MYO1B: variants seen among roughly 807,000 people sequenced by gnomAD.
The protein encoded by MYO1B is myosin IB.
MYO1B carries 72 observed loss-of-function variants against 159.7 expected under a neutral mutation model. The ratio of observed to expected loss-of-function variants is 0.45; its 90% CI spans 0.37 to 0.55. The LOEUF (loss-of-function observed/expected upper bound fraction) is 0.55, where lower values mean the gene tolerates loss of function less well. Among genes scored for constraint, MYO1B ranks in the 20% least tolerant of loss-of-function variants. The pLI is 0.00. For synonymous variants in MYO1B, 468 were observed against 473.8 expected (o/e 0.99, Z 0.16); for missense variants, 1,062 against 1,364.8 (o/e 0.78, Z 3.50).
At chr2:191,350,317 C>T in intron 7 of MYO1B, 92 bp downstream of exon 7, 1 of 872,416 alleles carries the variant, frequency 1.1e-6, no homozygotes, top group Non-Finnish European at 1.8e-6. Flanking sequence ...GTCTTTGAGG[C>T]ATAAGAATAT....
In MYO1B at chr2:191,258,368, G is replaced by C. The variant is rs548845461; in HGVS notation, c.-10+12742G>C. On this transcript the variant is annotated intron_variant, in intron 1 of 30. Coordinates refer to ENST00000392318, the MANE Select transcript of MYO1B (RefSeq NM_001130158.3). Reference sequence around the variant, plus strand: ...CCTCTCTAGGGCACTTATGAATAGAGCTTGCAAGACCAGAAGTTGCTCTGG... The same window carrying C: ...CCTCTCTAGGGCACTTATGAATAGACCTTGCAAGACCAGAAGTTGCTCTGG... Among the ~76,000 whole-genome samples, 9 of 152,328 alleles carry C rather than the reference G, an allele frequency of 5.9e-5. No homozygotes were observed. In the South Asian group the frequency reaches 1.9e-3, roughly 32 times the overall value.
chr2:191,326,823 C>CG (rs1392431311), intron 3 of MYO1B, among the ~76,000 whole-genome samples: 28 of 146,616 alleles, frequency 1.9e-4, no homozygotes, highest in African/African-American at 5.8e-4. Flanking sequence ...TGTGCGCGCG[C>CG]CATATATGTT....
At chr2:191,263,806 G>A (rs1686962294) in intron 1 of MYO1B, 1 of 152,208 alleles carries the variant, frequency 6.6e-6, no homozygotes, top group Admixed American at 6.5e-5. Flanking sequence ...ATAAATATAT[G>A]AAGTAACTGC....
chr2:191,286,577 A>T (rs1170950262), intron 2 of MYO1B, among the ~76,000 whole-genome samples: 1 of 152,144 alleles, frequency 6.6e-6, no homozygotes. Context: ...GACTTTTAAT[A>T]TTAGTTTTAT....
intron 27 of MYO1B, among the ~76,000 whole-genome samples, chr2:191,413,111 T>C (rs1220963204): frequency 6.6e-6 from 1 of 152,212 alleles, no homozygotes; most frequent in Non-Finnish European, 1.5e-5. Flanking sequence ...AAGGTTTCAT[T>C]TCCAACTTAT....
At chr2:191,365,592 T>A (rs763043317) in intron 11 of MYO1B, among the ~76,000 whole-genome samples, 4 of 152,166 alleles carry the variant, frequency 2.6e-5, no homozygotes, top group African/African-American at 4.8e-5. Flanking sequence ...AGATACGAAG[T>A]AACTTACTTA....
Position 191,416,214 on chromosome 2 carries a change from C to G in MYO1B, c.3259C>G (p.Gln1087Glu). The change falls in exon 30 of 31, where the codon CAG becomes GAG. Residue 1087 changes from glutamine (Q) to glutamate (E), a missense_variant. By Grantham distance (29) the Gln-to-Glu change is conservative. Around this residue, in one of 5 missense-constraint regions of MYO1B, gnomAD observed 609 missense variants for 744.4 expected, o/e 0.82. Transcript: ENST00000392318. ...LYRTTLSQTK[Q>E]KLNIEISDEF... ...TCGCACAACTCTCAGCCAAACCAAA[C>G]AGAAGCTCAATATTGAGATTTCCGA... 2 of 1,614,158 alleles carry G rather than the reference C, an allele frequency of 1.2e-6. No homozygotes were observed. The highest frequency in any genetic ancestry group is 1.1e-5 in the South Asian group (1 of 91,088).
At chr2:191,383,841 A>G (rs1005931868) in intron 15 of MYO1B, among the ~76,000 whole-genome samples, 28 of 152,008 alleles carry the variant, frequency 1.8e-4, no homozygotes, top group African/African-American at 6.5e-4. Flanking sequence ...CAAAATATCC[A>G]TTTCATTCCC....
chr2:191,255,080 C>G (rs1284154911), intron 1 of MYO1B, among the ~76,000 whole-genome samples: 1 of 137,076 alleles, frequency 7.3e-6, no homozygotes, highest in Non-Finnish European at 1.7e-5. Flanking sequence ...GGCAGCATCT[C>G]CACACCCCAC....
chr2:191,381,537 A>C lies in MYO1B; in HGVS notation c.1261A>C (p.Lys421Gln). 6.2e-7 allele frequency: 1 copy of C among 1,613,050 alleles called. No homozygotes were observed. Among genetic ancestry groups the C allele is most frequent in the Non-Finnish European group, 8.5e-7 (1 of 1,179,468 alleles). ...LQQIFIELTL[K>Q]EEQEEYIRED... ...ACAAATCTTCATTGAACTTACTCTT[A>C]AAGAAGAGCAGGAGGAGTATATACG... Residue 421 changes from lysine to glutamine, a missense_variant, in exon 14 of 31, where the codon AAA (lysine) becomes CAA (glutamine). Transcript: ENST00000392318.
chr2:191,413,418 C>T (rs1019322148), intron 27 of MYO1B, among the ~76,000 whole-genome samples: 3 of 152,120 alleles, frequency 2.0e-5, no homozygotes, highest in African/African-American at 7.2e-5. Flanking sequence ...TTATGAGCAC[C>T]ACTGTAAAGC....
At chr2:191,320,686 C>T (rs1690652543) in intron 3 of MYO1B, among the ~76,000 whole-genome samples, 1 of 152,084 alleles carries the variant, frequency 6.6e-6, no homozygotes, top group African/African-American at 2.4e-5. Flanking sequence ...GATTCGGCCC[C>T]CACATACCTT....
chr2:191,290,507 CATTTTGTAAAAAAT>C (rs1688628906), intron 2 of MYO1B, among the ~76,000 whole-genome samples: 1 of 152,138 alleles, frequency 6.6e-6, no homozygotes, highest in Non-Finnish European at 1.5e-5. Context: ...AGTTTTTAAA[CATTTTGTAAAAAAT>C]ATTAGAATCG....
intron 30 of MYO1B, among the ~76,000 whole-genome samples, chr2:191,418,015 G>A (rs532048769): frequency 1.6e-4 from 25 of 152,314 alleles, no homozygotes; most frequent in Non-Finnish European, 3.4e-4. Flanking sequence ...TTGTCTGAGC[G>A]AAGATTTATA....
At chr2:191,356,591 CTA>C (rs1447739057) in intron 7 of MYO1B, among the ~76,000 whole-genome samples, 1 of 152,066 alleles carries the variant, frequency 6.6e-6, no homozygotes, top group Non-Finnish European at 1.5e-5. Context: ...TGAAAGGAGA[CTA>C]TATACAAATA....
At chr2:191,276,249 A>G (rs1687742927) in intron 1 of MYO1B, among the ~76,000 whole-genome samples, 1 of 152,146 alleles carries the variant, frequency 6.6e-6, no homozygotes, top group Non-Finnish European at 1.5e-5. Context: ...CTGGAATGAA[A>G]TTTCCTCCCA....
At chr2:191,254,872 A>G (rs140908174) in intron 1 of MYO1B, among the ~76,000 whole-genome samples, 1 of 152,312 alleles carries the variant, frequency 6.6e-6, no homozygotes, top group East Asian at 1.9e-4. Flanking sequence ...TTATTAACTC[A>G]TCAAATGTTT....
chr2:191,396,756 A>G (rs1174305483), intron 21 of MYO1B, among the ~76,000 whole-genome samples: 1 of 152,172 alleles, frequency 6.6e-6, no homozygotes, highest in East Asian at 1.9e-4. Context: ...CCCGTACATG[A>G]TTTCAGTATC....
intron 26 of MYO1B, among the ~76,000 whole-genome samples, chr2:191,410,632 A>G (rs1001175423): frequency 3.3e-5 from 5 of 152,220 alleles, no homozygotes; most frequent in African/African-American, 1.2e-4. Context: ...TACAATATAT[A>G]GAAAGGATTG....
Sources: allele counts gnomAD v4.1 joint callset (sites outside exome capture counted in the v4.1 genomes callset), GRCh38; gene constraint gnomAD v4.1.1; regional missense constraint gnomAD v4.1.1; transcripts MANE v1.5; gene names NCBI Gene and HGNC (gene_info 2026-07-23, HGNC 2026-07-21).